COL22A1: variants seen among roughly 807,000 people sequenced by gnomAD.
COL22A1 encodes collagen type XXII alpha 1 chain.
A neutral mutation model predicts 248.9 loss-of-function variants in COL22A1; 221 were observed. The ratio of observed to expected loss-of-function variants is 0.89; its 90% confidence interval spans 0.80 to 0.99. The LOEUF is 0.99. COL22A1 is among the 50% of genes least tolerant of loss of function. The pLI is 0.00. For missense variants in COL22A1, 2,240 were observed against 2,179.0 expected (o/e 1.03, Z -0.56); for synonymous variants, 891 against 793.4 (o/e 1.12, Z -2.07).
chr8:138,637,637 G>C (rs1462377743), intron 47 of COL22A1, among the ~76,000 whole-genome samples: 1 of 152,136 alleles, frequency 6.6e-6, no homozygotes, highest in Non-Finnish European at 1.5e-5. Context: ...CATTGGACAA[G>C]ATACTTAAAC....
chr8:138,614,265 G>A (rs890947937), intron 55 of COL22A1, among the ~76,000 whole-genome samples: 12 of 152,278 alleles, frequency 7.9e-5, no homozygotes, highest in East Asian at 3.9e-4. Context: ...TCGCTAGACG[G>A]TGACCTGGAA....
At chr8:138,614,840 G>A (rs1228850355) in intron 55 of COL22A1, among the ~76,000 whole-genome samples, 1 of 152,204 alleles carries the variant, frequency 6.6e-6, no homozygotes, top group African/African-American at 2.4e-5. Context: ...GATTTCTCCT[G>A]AGTATCCTTT....
At chr8:138,725,292 AAAGAC>A (rs1563672437) in intron 24 of COL22A1, 90 bp downstream of exon 24, 1 of 1,289,608 alleles carries the variant, frequency 7.8e-7, no homozygotes, top group Non-Finnish European at 1.1e-6. Context: ...TGGGTGGATA[AAAGAC>A]AAGAGGCCAT....
chr8:138,695,506 C>T (rs978624792), intron 32 of COL22A1, among the ~76,000 whole-genome samples: 1 of 152,062 alleles, frequency 6.6e-6, no homozygotes, highest in Admixed American at 6.5e-5. Context: ...TGGCTCCAAC[C>T]CCTTTCTAGA....
At chr8:138,879,810 G>C (rs1348900221) in intron 2 of COL22A1, among the ~76,000 whole-genome samples, 1 of 150,292 alleles carries the variant, frequency 6.7e-6, no homozygotes, top group Non-Finnish European at 1.5e-5. Flanking sequence ...CAGGCCTCTG[G>C]GAACACCAGG....
At position 138,720,750 on chromosome 8, in the gene COL22A1, G is replaced by A. The variant is rs777260638; in HGVS notation, c.2344C>T (p.Pro782Ser). ...ERGEDGLPGK[P>S]GLRGEIGEQG... Reference sequence around the variant, plus strand: ...GGCAAAGTCCATACCCGAAGGCCTGGTTTTCCAGGCAGACCATCTTCCCCT... The same window carrying A: ...GGCAAAGTCCATACCCGAAGGCCTGATTTTCCAGGCAGACCATCTTCCCCT... Residue 782 changes from proline (P) to serine (S), a missense_variant, in exon 27 of 65, where the codon CCA becomes TCA. By Grantham distance (74) the Pro-to-Ser change is moderately conservative (BLOSUM62 -1). Transcript: ENST00000303045. 10 of 1,613,808 alleles carry A rather than the reference G, an allele frequency of 6.2e-6. No individual in the cohort carries two copies. Among genetic ancestry groups the A allele is most frequent in the Non-Finnish European group, 8.5e-6 (10 of 1,179,798 alleles).
At chr8:138,632,798 T>C (rs185259582) in intron 49 of COL22A1, among the ~76,000 whole-genome samples, 1 of 152,326 alleles carries the variant, frequency 6.6e-6, no homozygotes. Flanking sequence ...GTGATAATAT[T>C]TTAACAAGTA....
At chr8:138,870,233 G>GGTGT (rs1823220305) in intron 3 of COL22A1, among the ~76,000 whole-genome samples, 1 of 151,740 alleles carries the variant, frequency 6.6e-6, no homozygotes, top group Non-Finnish European at 1.5e-5. Context: ...TAGGTGGGTG[G>GGTGT]GTGTGTCTAT....
rs146068231 is a variant in COL22A1, at chr8:138,599,914, G to A, written c.4186-1016C>T. ...GGAGAAGGCTGGCCCTGGCAACTGA[G>A]ACTGATGGTGGAGCTGCTGACCCCT... is the stretch of plus-strand genomic sequence containing the variant. On this transcript the variant is annotated intron_variant, in intron 60 of 64. Transcript: ENST00000303045. 4.2e-4 allele frequency among the ~76,000 whole-genome samples: 64 copies of A among 152,326 alleles called. No homozygotes were observed. The East Asian group carries it at 7.3e-3, about 17-fold the overall frequency.
In COL22A1 at chr8:138,598,760, G is replaced by T; in HGVS notation, c.4324C>A (p.Pro1442Thr). The change falls in exon 61 of 65, where the codon CCC becomes ACC. Residue 1442 changes from proline to threonine, a missense_variant. Physicochemically the swap from Pro to Thr is conservative, Grantham distance 38. Transcript: ENST00000303045. ...GLPGENGPVGPPGPPGQPGFP... is the reference protein window; with the variant it reads ...GLPGENGPVGTPGPPGQPGFP... ...CCCGGCTGGCCTGGAGGCCCTGGGG[G>T]TCCAACTGGTCCATTCTCCCCAGGT... is the stretch of plus-strand genomic sequence containing the variant. 6.2e-7 allele frequency: 1 copy of T among 1,613,992 alleles called. No individual in the cohort carries two copies. Among genetic ancestry groups the T allele is most frequent in the Non-Finnish European group, 8.5e-7 (1 of 1,179,970 alleles).
chr8:138,811,456 G>C (rs1248621336), intron 9 of COL22A1, among the ~76,000 whole-genome samples: 1 of 152,050 alleles, frequency 6.6e-6, no homozygotes, highest in Non-Finnish European at 1.5e-5. Context: ...TTCTTGCAAA[G>C]CACATAGAAA....
intron 47 of COL22A1, among the ~76,000 whole-genome samples, chr8:138,644,381 C>T (rs1053709411): frequency 4.6e-5 from 7 of 152,168 alleles, no homozygotes; most frequent in Non-Finnish European, 7.4e-5. Context: ...CCTAAATATG[C>T]GGCTGCCACC....
At chr8:138,675,252 GA>G (rs1825419746) in intron 41 of COL22A1, among the ~76,000 whole-genome samples, 1 of 152,166 alleles carries the variant, frequency 6.6e-6, no homozygotes, top group Non-Finnish European at 1.5e-5. Flanking sequence ...AGAGGCCCAA[GA>G]ACTACTCTGG....
rs568902979 is a variant in COL22A1, at chr8:138,792,792, C to T, written c.1596+4027G>A. Among the ~76,000 whole-genome samples, 7 of 152,306 alleles carry T rather than the reference C, an allele frequency of 4.6e-5. 1 individual carries two copies. The East Asian group carries it at 1.2e-3, about 25-fold the overall frequency. On this transcript the variant is annotated intron_variant, in intron 12 of 64. Transcript: ENST00000303045. ...ATATTCAGTGTATGGGCCAAGGTCACTCCCCTTGTCTAAGCCTCAGTTTCC... is the reference window on the plus strand; with the variant it reads ...ATATTCAGTGTATGGGCCAAGGTCATTCCCCTTGTCTAAGCCTCAGTTTCC...
intron 43 of COL22A1, among the ~76,000 whole-genome samples, chr8:138,660,897 CAA>C (rs1564158297): frequency 1.7e-3 from 23 of 13,250 alleles, no homozygotes; most frequent in Non-Finnish European, 8.3e-3. Flanking sequence ...CACAGACACA[CAA>C]ACACACACAT....
intron 22 of COL22A1, among the ~76,000 whole-genome samples, chr8:138,748,497 C>A (rs1375167882): frequency 6.6e-6 from 1 of 152,216 alleles, no homozygotes; most frequent in East Asian, 1.9e-4. Context: ...TGAGGGGCCA[C>A]TGGTGGCTGT....
chr8:138,639,987 G>A (rs150987879), intron 47 of COL22A1, among the ~76,000 whole-genome samples: 173 of 152,238 alleles, frequency 1.1e-3, no homozygotes, highest in African/African-American at 3.9e-3. Flanking sequence ...AAGGACATGC[G>A]GTGTCATTAA....
intron 57 of COL22A1, among the ~76,000 whole-genome samples, chr8:138,607,102 C>T (rs1485361730): frequency 6.6e-6 from 1 of 152,096 alleles, no homozygotes; most frequent in African/African-American, 2.4e-5. Context: ...GATCAGATGC[C>T]GAGTTTGCCT....
intron 3 of COL22A1, among the ~76,000 whole-genome samples, chr8:138,850,325 T>C (rs1821537651): frequency 6.6e-6 from 1 of 152,156 alleles, no homozygotes; most frequent in African/African-American, 2.4e-5. Context: ...TTTGTGAAAA[T>C]GTTTATGCAA....
Sources: allele counts gnomAD v4.1 joint callset (sites outside exome capture counted in the v4.1 genomes callset), GRCh38; gene constraint gnomAD v4.1.1; transcripts MANE v1.5; gene names NCBI Gene and HGNC (gene_info 2026-07-23, HGNC 2026-07-21).